The following RASEF variants were observed in gnomAD, a reference collection of about 807,000 sequenced individuals.
RASEF encodes RAS and EF-hand domain containing, also known as ras and EF-hand domain-containing protein.
RASEF carries 68 observed loss-of-function variants against 90.1 expected under a neutral mutation model. The ratio of observed to expected loss-of-function variants is 0.75; its 90% CI spans 0.62 to 0.92. RASEF has a LOEUF of 0.92. Ranked by LOEUF, RASEF falls within the 40% of genes least tolerant of loss-of-function variation. The pLI is 0.00. For synonymous variants in RASEF, 331 were observed against 345.2 expected (o/e 0.96, Z 0.46); for missense variants, 949 against 937.2 (o/e 1.01, Z -0.16).
upstream of RASEF, among the ~76,000 whole-genome samples, chr9:83,066,040 T>TA (rs1349447567): frequency 6.6e-6 from 1 of 152,072 alleles, no homozygotes; most frequent in Non-Finnish European, 1.5e-5. Context: ...GGTGCTCCAA[T>TA]AAAAAGAGAA....
At chr9:83,032,214 A>T (rs1316796450) in intron 1 of RASEF, among the ~76,000 whole-genome samples, 1 of 152,072 alleles carries the variant, frequency 6.6e-6, no homozygotes, top group African/African-American at 2.4e-5. Context: ...GTCAAAGGTT[A>T]AACAAGCAGA....
At chr9:83,180,885 TA>T in the RASEF span, among the ~76,000 whole-genome samples, 4 of 151,766 alleles carry the variant, frequency 2.6e-5, no homozygotes, top group South Asian at 2.1e-4. Context: ...TTAGCTACGT[TA>T]AAAAAAATTA....
intron 15 of RASEF, among the ~76,000 whole-genome samples, chr9:82,991,089 C>T (rs111817332): frequency 0.02 from 2,985 of 152,246 alleles, 87 homozygotes; most frequent in African/African-American, 0.068. Flanking sequence ...CAGGCAAGCT[C>T]TGAGCTTCAC....
chr9:83,145,630 G>A, the RASEF span, among the ~76,000 whole-genome samples: 1 of 151,908 alleles, frequency 6.6e-6, no homozygotes, highest in Non-Finnish European at 1.5e-5. Context: ...AAGGAAGATT[G>A]TTAAGCTTAA....
the RASEF span, among the ~76,000 whole-genome samples, chr9:83,156,860 AT>A: frequency 6.6e-6 from 1 of 152,138 alleles, no homozygotes; most frequent in African/African-American, 2.4e-5. Flanking sequence ...TTCTGTCATG[AT>A]TTTGTCTAGT....
At chr9:83,056,250 AG>A (rs1830102053) in intron 1 of RASEF, among the ~76,000 whole-genome samples, 1 of 152,242 alleles carries the variant, frequency 6.6e-6, no homozygotes, top group African/African-American at 2.4e-5. Flanking sequence ...ATAATTCTAA[AG>A]AAATCCTATG....
the RASEF span, among the ~76,000 whole-genome samples, chr9:83,093,506 G>T: frequency 6.6e-6 from 1 of 152,212 alleles, no homozygotes; most frequent in Non-Finnish European, 1.5e-5. Context: ...CACTGCTGGG[G>T]GACCCAGTAC....
the RASEF span, among the ~76,000 whole-genome samples, chr9:83,152,735 T>TACAC: frequency 8.5e-3 from 1,284 of 150,812 alleles, 10 homozygotes; most frequent in African/African-American, 0.013. Flanking sequence ...CAGACACACA[T>TACAC]ACACACACAC....
At chr9:83,116,580 A>C in the RASEF span, among the ~76,000 whole-genome samples, 1 of 152,226 alleles carries the variant, frequency 6.6e-6, no homozygotes, top group South Asian at 2.1e-4. Context: ...GTATTTATCG[A>C]GCACATGCTC....
chr9:83,014,823 G>A (rs1011755747), intron 4 of RASEF, among the ~76,000 whole-genome samples: 13 of 152,036 alleles, frequency 8.6e-5, no homozygotes, highest in African/African-American at 3.1e-4. Context: ...GTAATGACAG[G>A]AGTATTTATA....
Position 83,061,234 on chromosome 9 carries a change from A to G in RASEF, c.431+1203T>C, listed in dbSNP as rs375365941. Among the ~76,000 whole-genome samples the G allele has an allele frequency of 3.3e-5, 5 of 152,204 alleles. No individual in the cohort carries two copies. The South Asian group carries it at 1.0e-3, about 32-fold the overall frequency. ...AGATCGTTACACACCCACTTTCTCT[A>G]CACAACCCTTCTATGGCAGTGAGTC... On this transcript the variant is annotated intron_variant, in intron 1 of 16. Coordinates refer to ENST00000376447, the MANE Select transcript of RASEF (RefSeq NM_152573.4).
chr9:83,005,526 A>T (rs761758983), intron 7 of RASEF, 26 bp from the exon 8 acceptor site: 1 of 1,547,080 alleles, frequency 6.5e-7, no homozygotes, highest in Non-Finnish European at 8.9e-7. Flanking sequence ...ACAAGCAGAA[A>T]GAGAGACAAG....
At chr9:83,170,919 T>C in the RASEF span, among the ~76,000 whole-genome samples, 1 of 151,988 alleles carries the variant, frequency 6.6e-6, no homozygotes, top group South Asian at 2.1e-4. Context: ...TTTCTGTCTT[T>C]CTTTTGTTTG....
the RASEF span, among the ~76,000 whole-genome samples, chr9:83,131,890 C>T: frequency 6.6e-6 from 1 of 152,090 alleles, no homozygotes; most frequent in African/African-American, 2.4e-5. Flanking sequence ...TTGATCAGTT[C>T]ATCTTTCTAC....
chr9:82,982,725 C>G lies in RASEF; in HGVS notation c.2175G>C (p.Gly725=). Residue 725 remains glycine (G), a synonymous_variant, in exon 17 of 17, where the codon GGG becomes GGC. Transcript: ENST00000376447. The part of the protein sequence containing the change: ...DDSRSITNLT[G]TNSKKSPQMK... ...TCTGTGGTGACTTTTTGGAATTGGT[C>G]CCGGTTAGATTGGTAATGGATCTGC... 2.5e-6 allele frequency: 4 copies of G among 1,611,944 alleles called. No homozygotes were observed. The highest frequency in any genetic ancestry group is 3.4e-6 in the Non-Finnish European group (4 of 1,178,190).
the RASEF span, among the ~76,000 whole-genome samples, chr9:83,107,951 T>C: frequency 1.3e-5 from 2 of 152,120 alleles, no homozygotes; most frequent in African/African-American, 4.8e-5. Flanking sequence ...CAAAAACATG[T>C]TGAGTGAAAA....
the RASEF span, among the ~76,000 whole-genome samples, chr9:83,143,779 C>G: frequency 4.6e-5 from 7 of 152,136 alleles, no homozygotes; most frequent in African/African-American, 1.2e-4. Context: ...ACAGAGCTAC[C>G]ATTCGGCCTA....
upstream of RASEF, among the ~76,000 whole-genome samples, chr9:83,063,773 C>T (rs73471438): frequency 0.014 from 2,108 of 152,262 alleles, 39 homozygotes; most frequent in African/African-American, 0.048. Context: ...ATGGAAATTA[C>T]ATATCCAAAG....
chr9:83,001,113 T>C lies in RASEF; in HGVS notation c.1220A>G (p.Tyr407Cys), dbSNP rs778770866. Residue 407 changes from tyrosine (Y) to cysteine (C), a missense_variant, in exon 10 of 17, where the codon TAT (tyrosine) becomes TGT (cysteine). Tyr to Cys is a radical substitution (Grantham distance 194, BLOSUM62 -2). This residue lies in a region of RASEF where 656 missense variants were observed against 592.2 expected (regional missense o/e 1.11). Transcript: ENST00000376447. ...LGYDRSSRSS[Y>C]VDEDCDSLAL... ...CAGGGAGTCACAGTCCTCATCCACA[T>C]AGGAAGAGCGGGATGACCTGGTAAT... The C allele has an allele frequency of 6.2e-7, 1 of 1,612,796 alleles. No homozygotes were observed. Among genetic ancestry groups the C allele is most frequent in the Non-Finnish European group, 8.5e-7 (1 of 1,179,098 alleles).
Sources: allele counts gnomAD v4.1 joint callset (sites outside exome capture counted in the v4.1 genomes callset), GRCh38; gene constraint gnomAD v4.1.1; regional missense constraint gnomAD v4.1.1; transcripts MANE v1.5; gene names NCBI Gene and HGNC (gene_info 2026-07-23, HGNC 2026-07-21).